PRKD1: variants seen among roughly 807,000 people sequenced by gnomAD.
The protein encoded by PRKD1 is serine/threonine-protein kinase D1.
In PRKD1, 63 loss-of-function variants were observed where a neutral mutation model predicts 95.9. That is an observed-to-expected ratio of 0.66 (90% confidence interval 0.54 to 0.81). The LOEUF is 0.81. Among genes scored for constraint, PRKD1 ranks in the 30% least tolerant of loss-of-function variants. PRKD1 has a pLI of 0.00. For synonymous variants in PRKD1, 425 were observed against 423.1 expected (o/e 1.00, Z -0.05); for missense variants, 1,048 against 1,165.3 (o/e 0.90, Z 1.47).
chr14:29,659,181 GTTTTAT>G (rs1882058038), intron 4 of PRKD1, among the ~76,000 whole-genome samples: 2 of 152,066 alleles, frequency 1.3e-5, no homozygotes, highest in African/African-American at 4.8e-5. Flanking sequence ...TCCCACCTTA[GTTTTAT>G]TTTTAAGTAT....
At chr14:29,645,316 T>C (rs1273375789) in intron 4 of PRKD1, among the ~76,000 whole-genome samples, 2 of 152,160 alleles carry the variant, frequency 1.3e-5, no homozygotes, top group East Asian at 3.9e-4. Context: ...GCTTAGATGA[T>C]AGGACCTGAG....
intron 1 of PRKD1, among the ~76,000 whole-genome samples, chr14:29,748,447 C>T (rs1347731838): frequency 1.3e-5 from 2 of 152,256 alleles, no homozygotes; most frequent in East Asian, 1.9e-4. Context: ...ACTGAAACAA[C>T]AGTAAATTAC....
chr14:29,607,696 A>C (rs1000792613), intron 13 of PRKD1, among the ~76,000 whole-genome samples: 4 of 147,884 alleles, frequency 2.7e-5, no homozygotes, highest in Non-Finnish European at 6.0e-5. Context: ...CAGCTGGAGA[A>C]GGTACTGTGC....
intron 1 of PRKD1, among the ~76,000 whole-genome samples, chr14:29,850,047 A>G (rs1328940741): frequency 6.6e-6 from 1 of 152,142 alleles, no homozygotes; most frequent in Non-Finnish European, 1.5e-5. Context: ...CAAGAAACAT[A>G]CCTCAAAATA....
Position 29,578,505 on chromosome 14 carries a change from G to C in PRKD1, c.2435-145C>G, listed in dbSNP as rs536051835. The C allele has an allele frequency of 3.6e-4, 25 of 69,450 alleles. No homozygotes were observed. The East Asian group carries it at 0.014, about 38-fold the overall frequency. The allele number at this position is 69,450 out of a possible 1,614,324, so 4.3% of individuals were successfully genotyped here. A position where few individuals can be genotyped will look rare whatever the true frequency, so the allele number is the denominator to read the frequency against. On this transcript the variant is annotated intron_variant, in intron 16 of 17. Coordinates refer to ENST00000331968, the MANE Select transcript of PRKD1 (RefSeq NM_002742.3). ...GAACCAAAAAAAAAAATCCTCTTAA[G>C]AATACTGAAACTTTGGCCTTCATTT...
rs758298537 is a variant in PRKD1, at chr14:29,634,507, C to G, written c.1225G>C (p.Val409Leu). 3 of 1,613,902 alleles carry G rather than the reference C, an allele frequency of 1.9e-6. No homozygotes were observed. The African/African-American group carries it at 4.0e-5, about 22-fold the overall frequency. ...STSNNIPLMR[V>L]VQSVKHTKRK... ...TTCGTGTGTTTGACAGACTGCACTA[C>G]CCTCATGAGTGGGATATTGTTGCTT... The change falls in exon 8 of 18, where the codon GTA (valine) becomes CTA (leucine). Residue 409 changes from valine (V) to leucine (L), a missense_variant. Val to Leu is a conservative substitution (Grantham distance 32). This residue lies in a region of PRKD1 where 739 missense variants were observed against 861.9 expected (regional missense o/e 0.86). Transcript: ENST00000331968.
Position 29,693,276 on chromosome 14 carries a change from G to A in PRKD1, c.404-27068C>T, listed in dbSNP as rs45535134. On this transcript the variant is annotated intron_variant, in intron 2 of 17. Transcript: ENST00000331968. ...AGTTTTGAATTTTCAAGTACTTTGT[G>A]TTCTAAAGGCTATCAGGTCTCAATT... Among the ~76,000 whole-genome samples, 1,355 of 152,180 alleles carry A rather than the reference G, an allele frequency of 8.9e-3. 17 individuals are homozygous for A. Among genetic ancestry groups the A allele is most frequent in the African/African-American group, 0.031 (1,302 of 41,544 alleles).
chr14:29,855,012 C>A (rs180720384), intron 1 of PRKD1, among the ~76,000 whole-genome samples: 3 of 152,324 alleles, frequency 2.0e-5, no homozygotes, highest in Admixed American at 2.0e-4. Context: ...CGCCTGGATG[C>A]CCAGGCAGAA....
At chr14:29,799,251 T>C (rs1889932192) in intron 1 of PRKD1, among the ~76,000 whole-genome samples, 1 of 152,238 alleles carries the variant, frequency 6.6e-6, no homozygotes, top group Non-Finnish European at 1.5e-5. Context: ...TGTTTTAACA[T>C]GGTTAAACAA....
intron 13 of PRKD1, among the ~76,000 whole-genome samples, chr14:29,607,383 C>T (rs2042578327): frequency 6.6e-6 from 1 of 152,172 alleles, no homozygotes; most frequent in Non-Finnish European, 1.5e-5. Context: ...CTGGTGAGCT[C>T]AGCTGTTTTC....
intron 1 of PRKD1, among the ~76,000 whole-genome samples, chr14:29,879,053 A>T (rs1893404972): frequency 6.6e-6 from 1 of 152,154 alleles, no homozygotes; most frequent in Admixed American, 6.5e-5. Context: ...TTCACTCACA[A>T]TCTTCACGTC....
intron 10 of PRKD1, among the ~76,000 whole-genome samples, chr14:29,630,002 C>G (rs747743398): frequency 7.3e-6 from 1 of 136,566 alleles, no homozygotes. Flanking sequence ...TCTTCTTCTT[C>G]TCCTTCTCCT....
chr14:29,796,525 G>T (rs917882253), intron 1 of PRKD1, among the ~76,000 whole-genome samples: 8 of 152,104 alleles, frequency 5.3e-5, no homozygotes, highest in African/African-American at 1.9e-4. Flanking sequence ...CATATTTAAT[G>T]TCATGAGACT....
intron 2 of PRKD1, among the ~76,000 whole-genome samples, chr14:29,667,055 C>T (rs1160681903): frequency 2.6e-5 from 4 of 152,046 alleles, no homozygotes; most frequent in Non-Finnish European, 5.9e-5. Context: ...AGAAAGGTAT[C>T]GACAGCGGAA....
chr14:29,592,659 T>G (rs946481291), intron 16 of PRKD1: 1 of 152,138 alleles, frequency 6.6e-6, no homozygotes, highest in African/African-American at 2.4e-5. Flanking sequence ...TGCCAATCAC[T>G]GTGCTAAGCA....
intron 1 of PRKD1, among the ~76,000 whole-genome samples, chr14:29,905,570 G>C (rs1369663102): frequency 2.6e-5 from 4 of 152,004 alleles, no homozygotes; most frequent in Admixed American, 2.6e-4. Context: ...AATCTTGCCA[G>C]GAAAGGAAAC....
In PRKD1 at chr14:29,610,304, A is replaced by G. The variant is rs78098377; in HGVS notation, c.1906-10487T>C. 5.1e-3 allele frequency among the ~76,000 whole-genome samples: 784 copies of G among 152,324 alleles called. 19 individuals carry two copies. In the East Asian group the frequency reaches 0.066, roughly 13 times the overall value. On this transcript the variant is annotated intron_variant, in intron 13 of 17. Transcript: ENST00000331968. ...AACTATTATCTAAAATATACAAAGAACTACTAAAACACAACAAGAAAACAA... is the reference window on the plus strand; with the variant it reads ...AACTATTATCTAAAATATACAAAGAGCTACTAAAACACAACAAGAAAACAA...
At chr14:29,585,304 G>C (rs559255096) in intron 16 of PRKD1, among the ~76,000 whole-genome samples, 1 of 152,162 alleles carries the variant, frequency 6.6e-6, no homozygotes, top group Non-Finnish European at 1.5e-5. Flanking sequence ...GGAAATCATC[G>C]TCTCACTCAC....
intron 1 of PRKD1, among the ~76,000 whole-genome samples, chr14:29,894,277 G>T (rs1411504727): frequency 2.0e-5 from 3 of 152,194 alleles, no homozygotes; most frequent in Non-Finnish European, 4.4e-5. Context: ...CAGGGATGGC[G>T]AAAGAAGTGA....
Sources: allele counts gnomAD v4.1 joint callset (sites outside exome capture counted in the v4.1 genomes callset), GRCh38; gene constraint gnomAD v4.1.1; regional missense constraint gnomAD v4.1.1; transcripts MANE v1.5; gene names NCBI Gene and HGNC (gene_info 2026-07-23, HGNC 2026-07-21).